Variants in ENTREP2 observed in about 807,000 individuals in gnomAD.
ENTREP2 encodes endosomal transmembrane epsin interactor 2, also known as protein ENTREP2.
chr15:29,674,578 C>A, the ENTREP2 span, among the ~76,000 whole-genome samples: 1 of 152,072 alleles, frequency 6.6e-6, no homozygotes, highest in Non-Finnish European at 1.5e-5. Flanking sequence ...TGAGCACAGA[C>A]TTTTAATCAG....
chr15:29,304,023 G>C, the ENTREP2 span, among the ~76,000 whole-genome samples: 1 of 152,074 alleles, frequency 6.6e-6, no homozygotes, highest in Non-Finnish European at 1.5e-5. Flanking sequence ...TGGGACTACA[G>C]ACAGCTGCCA....
At chr15:29,427,208 C>T in the ENTREP2 span, among the ~76,000 whole-genome samples, 1 of 152,056 alleles carries the variant, frequency 6.6e-6, no homozygotes. Context: ...CAAAGCTTTC[C>T]AGGCCTAATC....
chr15:29,510,599 A>G, the ENTREP2 span, among the ~76,000 whole-genome samples: 1 of 151,856 alleles, frequency 6.6e-6, no homozygotes, highest in African/African-American at 2.4e-5. Flanking sequence ...AGGTCAGGAG[A>G]TCGAGACCAT....
the ENTREP2 span, among the ~76,000 whole-genome samples, chr15:29,359,820 G>A: frequency 3.3e-5 from 5 of 152,232 alleles, no homozygotes; most frequent in African/African-American, 1.2e-4. Flanking sequence ...TTTATATTTT[G>A]ACAAGGAAAC....
At chr15:29,587,206 A>G in the ENTREP2 span, among the ~76,000 whole-genome samples, 1 of 148,610 alleles carries the variant, frequency 6.7e-6, no homozygotes, top group Admixed American at 6.8e-5. Context: ...AGCTCTGTCC[A>G]CTGAAAAAAT....
At chr15:29,402,265 T>TATATATATATATATATATATAC in the ENTREP2 span, among the ~76,000 whole-genome samples, 11,016 of 135,916 alleles carry the variant, frequency 0.081, 777 homozygotes, top group Middle Eastern at 0.15. Flanking sequence ...TATATATATA[T>TATATATATATATATATATATAC]ACACACACAT....
the ENTREP2 span, among the ~76,000 whole-genome samples, chr15:29,497,831 CTTCT>C: frequency 6.6e-6 from 1 of 150,436 alleles, no homozygotes; most frequent in African/African-American, 2.5e-5. Flanking sequence ...TTAGTTTGTT[CTTCT>C]TTTTCTAGTT....
the ENTREP2 span, among the ~76,000 whole-genome samples, chr15:29,657,355 C>A: frequency 0.012 from 1,704 of 146,868 alleles, 38 homozygotes; most frequent in African/African-American, 0.043. Context: ...TCAAAGACGG[C>A]AGTGTTACAG....
chr15:29,284,716 A>C, the ENTREP2 span, among the ~76,000 whole-genome samples: 1 of 152,182 alleles, frequency 6.6e-6, no homozygotes, highest in Non-Finnish European at 1.5e-5. Flanking sequence ...GAAATCAATG[A>C]TTGGACCTGC....
At chr15:29,475,496 C>T in the ENTREP2 span, among the ~76,000 whole-genome samples, 1 of 152,098 alleles carries the variant, frequency 6.6e-6, no homozygotes, top group Non-Finnish European at 1.5e-5. Context: ...TTCAACTTGG[C>T]GGTGGCCCGA....
chr15:29,595,141 C>T, the ENTREP2 span, among the ~76,000 whole-genome samples: 2 of 146,936 alleles, frequency 1.4e-5, no homozygotes, highest in South Asian at 2.2e-4. Flanking sequence ...GTAAACCCAG[C>T]GGGGAGGGAA....
At chr15:29,244,649 A>G in the ENTREP2 span, among the ~76,000 whole-genome samples, 2 of 152,224 alleles carry the variant, frequency 1.3e-5, no homozygotes, top group African/African-American at 4.8e-5. Flanking sequence ...CCGTGAAGAC[A>G]AAAGTGTTAT....
the ENTREP2 span, among the ~76,000 whole-genome samples, chr15:29,393,430 T>C: frequency 2.0e-5 from 3 of 152,192 alleles, no homozygotes; most frequent in African/African-American, 7.2e-5. Flanking sequence ...TGGTGGACAC[T>C]CATGCTCAGG....
chr15:29,637,854 C>T, the ENTREP2 span, among the ~76,000 whole-genome samples: 987 of 152,284 alleles, frequency 6.5e-3, 10 homozygotes, highest in African/African-American at 0.023. Flanking sequence ...TCAAGCTCGT[C>T]GCACTGCCAA....
the ENTREP2 span, among the ~76,000 whole-genome samples, chr15:29,672,953 A>G: frequency 1.3e-5 from 2 of 152,100 alleles, no homozygotes; most frequent in Non-Finnish European, 2.9e-5. Context: ...GAGGGAGTAT[A>G]CTTAGTTACT....
the ENTREP2 span, among the ~76,000 whole-genome samples, chr15:29,606,916 C>T: frequency 6.6e-6 from 1 of 152,050 alleles, no homozygotes; most frequent in Non-Finnish European, 1.5e-5. Context: ...TAACTGCAAC[C>T]TCTGCCTCCC....
chr15:29,560,473 G>T, the ENTREP2 span, among the ~76,000 whole-genome samples: 1 of 152,150 alleles, frequency 6.6e-6, no homozygotes, highest in African/African-American at 2.4e-5. Context: ...ACCAGCTGCA[G>T]TGAAGCTCCG....
the ENTREP2 span, chr15:29,124,777 A>G: frequency 6.5e-7 from 1 of 1,548,102 alleles, no homozygotes; most frequent in African/African-American, 1.4e-5. Context: ...CCAGAAGGAG[A>G]ATTCAGTGAA....
chr15:29,183,681 C>T, the ENTREP2 span, among the ~76,000 whole-genome samples: 5 of 152,216 alleles, frequency 3.3e-5, no homozygotes, highest in South Asian at 4.2e-4. Flanking sequence ...AACTGGCTTA[C>T]GGTACCAAAT....
Sources: allele counts gnomAD v4.1 joint callset (sites outside exome capture counted in the v4.1 genomes callset), GRCh38; gene constraint gnomAD v4.1.1; transcripts MANE v1.5; gene names NCBI Gene and HGNC (gene_info 2026-07-23, HGNC 2026-07-21).